FKTN: variants seen among roughly 807,000 people sequenced by gnomAD.
The protein encoded by FKTN is fukutin, also known as ribitol-5-phosphate transferase FKTN.
A neutral mutation model predicts 58.6 loss-of-function variants in FKTN; 47 were observed. The observed-to-expected ratio is 0.80, with a 90% CI of 0.63 to 1.02. The LOEUF (loss-of-function observed/expected upper bound fraction) is 1.02. Among genes scored for constraint, FKTN ranks in the 50% least tolerant of loss-of-function variants. The pLI is 0.00. For synonymous variants in FKTN, 178 were observed against 191.9 expected, an observed-to-expected ratio of 0.93 and a Z score of 0.60; for missense variants, 516 against 537.3, an observed-to-expected ratio of 0.96 and a Z score of 0.39.
chr9:105,561,041 G>C (rs1369011350), intron 1 of FKTN, among the ~76,000 whole-genome samples: 4 of 151,926 alleles, frequency 2.6e-5, no homozygotes, highest in African/African-American at 9.7e-5. Flanking sequence ...AGCTGAGATT[G>C]TGCCACTGCA....
At position 105,567,221 on chromosome 9, in the gene FKTN, C is replaced by A. The variant is rs969053534; in HGVS notation, c.-180-6434C>A. Among the ~76,000 whole-genome samples the A allele has an allele frequency of 5.9e-5, 9 of 152,108 alleles. No homozygotes were observed. The East Asian group carries it at 7.7e-4, about 13-fold the overall frequency. On this transcript the variant is annotated intron_variant, in intron 1 of 10. Transcript: ENST00000357998. ...GAATGGGCAAAAACTGGAAGCATTC[C>A]CTTTGAAAACTGGCACAAGACAGGG...
chr9:105,594,644 A>G (rs1035249788), intron 3 of FKTN, among the ~76,000 whole-genome samples: 2 of 152,150 alleles, frequency 1.3e-5, no homozygotes, highest in East Asian at 3.9e-4. Flanking sequence ...TGCTAGGAAG[A>G]CTGAGGTAGG....
chr9:105,565,977 A>G (rs1303738857), intron 1 of FKTN, among the ~76,000 whole-genome samples: 4 of 152,196 alleles, frequency 2.6e-5, no homozygotes, highest in Non-Finnish European at 5.9e-5. Context: ...ATCAAACTAG[A>G]ACTCAGGATT....
intron 5 of FKTN, 21 bp from the exon 6 acceptor site, chr9:105,604,194 T>G (rs774169405): frequency 6.2e-7 from 1 of 1,611,556 alleles, no homozygotes; most frequent in South Asian, 1.1e-5. Context: ...TTCTTGATGT[T>G]TGATGCTTCT....
At chr9:105,622,673 T>G (rs1285316288) in intron 10 of FKTN, among the ~76,000 whole-genome samples, 3 of 152,076 alleles carry the variant, frequency 2.0e-5, no homozygotes, top group African/African-American at 7.2e-5. Context: ...CAGACCTGTT[T>G]GACCCCTAAG....
At chr9:105,615,516 A>G (rs1360278405) in intron 8 of FKTN, 109 bp downstream of exon 8, 1 of 1,036,828 alleles carries the variant, frequency 9.6e-7, no homozygotes, top group African/African-American at 1.6e-5. Context: ...TGTCATGTGT[A>G]TAGACAGAAT....
rs115155934 is a variant in FKTN, at chr9:105,640,089, T to C, written c.*4825T>C. ...CTTTCTGCCCTCAAATTTCTGTTTC[T>C]ATCTCAACTAGGCAAGAATCAGCAG... On this transcript the variant is annotated 3_prime_UTR_variant, in exon 11 of 11. Coordinates refer to ENST00000357998, the MANE Select transcript of FKTN (RefSeq NM_001079802.2). 4,120 of 1,535,198 alleles carry C rather than the reference T, an allele frequency of 2.7e-3. 106 individuals carry two copies. In the African/African-American group the frequency reaches 0.049, roughly 18 times the overall value.
At position 105,637,076 on chromosome 9, in the gene FKTN, T is replaced by C; in HGVS notation, c.*1812T>C. 1 of 988,146 alleles carries C rather than the reference T, an allele frequency of 1.0e-6. No homozygotes were observed. The highest frequency in any genetic ancestry group is 1.2e-6 in the Non-Finnish European group (1 of 830,588). 61.2% of individuals were successfully genotyped at this position (988,146 alleles called of 1,614,324 possible). On this transcript the variant is annotated 3_prime_UTR_variant, in exon 11 of 11. Coordinates refer to ENST00000357998, the MANE Select transcript of FKTN (RefSeq NM_001079802.2). Reference sequence around the variant, plus strand: ...TCAGCCCATAGAGTGCATTCCCAAATTCTAAATAGCTGACCCTAAATTCAT... The same window carrying C: ...TCAGCCCATAGAGTGCATTCCCAAACTCTAAATAGCTGACCCTAAATTCAT...
At chr9:105,576,953 G>T (rs1403102478) in intron 3 of FKTN, among the ~76,000 whole-genome samples, 3 of 106,358 alleles carry the variant, frequency 2.8e-5, no homozygotes, top group Non-Finnish European at 5.8e-5. Flanking sequence ...TCTTTTGGCT[G>T]CATAAATGTC....
intron 8 of FKTN, among the ~76,000 whole-genome samples, chr9:105,617,742 C>T (rs916767663): frequency 1.3e-5 from 2 of 152,110 alleles, no homozygotes; most frequent in African/African-American, 2.4e-5. Context: ...TAAGTCTAAT[C>T]CTGTGAAATA....
At position 105,601,214 on chromosome 9, in the gene FKTN, A is replaced by C. The variant is rs1411837740; in HGVS notation, c.235A>C (p.Ile79Leu). ...NVPVFLIDPL[I>L]LELINKNFEQ... is the part of the protein sequence containing the mutation. ...ACCAGTGTTTCTTATTGATCCTTTG[A>C]TACTGGAATTGATTAATAAGAACTT... Residue 79 changes from isoleucine (I) to leucine (L), a missense_variant, in exon 5 of 11, where the codon ATA (isoleucine) becomes CTA (leucine). Coordinates refer to ENST00000357998, the MANE Select transcript of FKTN (RefSeq NM_001079802.2). 6.2e-7 allele frequency: 1 copy of C among 1,609,522 alleles called. No individual in the cohort carries two copies. The highest frequency in any genetic ancestry group is 8.5e-7 in the Non-Finnish European group (1 of 1,176,256).
At chr9:105,563,229 G>A (rs1363594470) in intron 1 of FKTN, among the ~76,000 whole-genome samples, 3 of 152,210 alleles carry the variant, frequency 2.0e-5, no homozygotes, top group East Asian at 1.9e-4. Flanking sequence ...CGTGAGCGAC[G>A]CAGAAGACGG....
intron 10 of FKTN, among the ~76,000 whole-genome samples, chr9:105,630,395 TATTC>T (rs925050383): frequency 4.6e-5 from 7 of 152,318 alleles, no homozygotes; most frequent in African/African-American, 1.4e-4. Context: ...AGATAACCTA[TATTC>T]ATTCGAGACA....
intron 1 of FKTN, among the ~76,000 whole-genome samples, chr9:105,565,104 A>G (rs74518929): frequency 6.6e-6 from 1 of 152,180 alleles, no homozygotes; most frequent in Admixed American, 6.5e-5. Context: ...ATGCTGAGAG[A>G]TTTTGTCACC....
intron 3 of FKTN, among the ~76,000 whole-genome samples, chr9:105,588,750 C>G (rs1388859907): frequency 1.3e-5 from 2 of 152,158 alleles, no homozygotes; most frequent in Non-Finnish European, 2.9e-5. Flanking sequence ...GGAATAAGAA[C>G]CAAACTTCTT....
intron 7 of FKTN, among the ~76,000 whole-genome samples, chr9:105,613,583 C>T (rs891823035): frequency 6.6e-6 from 1 of 152,110 alleles, no homozygotes; most frequent in Non-Finnish European, 1.5e-5. Flanking sequence ...ATGTGTTTTT[C>T]AGATATTATG....
chr9:105,637,900 C>G lies in FKTN; in HGVS notation c.*2636C>G. On this transcript the variant is annotated 3_prime_UTR_variant, in exon 11 of 11. Transcript: ENST00000357998. ...CCATAGTTCCTAAAATTGAGCATCCCTAAGAGTAGCTGCTTGGTGGGACAG... is the reference window on the plus strand; with the variant it reads ...CCATAGTTCCTAAAATTGAGCATCCGTAAGAGTAGCTGCTTGGTGGGACAG... 1.0e-6 allele frequency: 1 copy of G among 985,292 alleles called. No individual in the cohort carries two copies. Among genetic ancestry groups the G allele is most frequent in the Non-Finnish European group, 1.2e-6 (1 of 829,874 alleles). The allele number at this position is 985,292 out of a possible 1,614,324, so 61.0% of individuals were successfully genotyped here.
chr9:105,561,660 A>C (rs985075023), intron 1 of FKTN, among the ~76,000 whole-genome samples: 1 of 152,198 alleles, frequency 6.6e-6, no homozygotes, highest in East Asian at 1.9e-4. Flanking sequence ...ACTAAATTTC[A>C]TTAGCTTTTT....
Position 105,604,401 on chromosome 9 carries a change from C to T in FKTN, c.556C>T (p.His186Tyr), listed in dbSNP as rs767961629. Residue 186 changes from histidine to tyrosine, a missense_variant, in exon 6 of 11, where the codon CAC (histidine) becomes TAC (tyrosine). Physicochemically the swap from His to Tyr is moderately conservative, Grantham distance 83 (BLOSUM62 2). Coordinates refer to ENST00000357998, the MANE Select transcript of FKTN (RefSeq NM_001079802.2). Reference protein sequence around the residue: ...FHERSGNYLWHGHLRLKEHID... With the variant: ...FHERSGNYLWYGHLRLKEHID... ...TGAGAGGAGTGGCAACTACCTCTGG[C>T]ACGGCCACTTGAGACTTAAAGAACA... 8.7e-6 allele frequency: 14 copies of T among 1,613,676 alleles called. No homozygotes were observed. The East Asian group carries it at 1.3e-4, about 15-fold the overall frequency.
Sources: gnomAD v4.1 joint callset for allele counts (sites outside exome capture counted in the v4.1 genomes callset) on GRCh38, gnomAD v4.1.1 for gene constraint, MANE v1.5 for transcripts, NCBI Gene and HGNC (gene_info 2026-07-23, HGNC 2026-07-21) for gene names.